Variants in SYTL2 observed in about 807,000 individuals in gnomAD.
SYTL2 encodes the protein synaptotagmin-like protein 2.
In SYTL2, 165 loss-of-function variants were observed where a neutral mutation model predicts 198.7. The observed-to-expected ratio is 0.83, with a 90% CI of 0.73 to 0.94. The LOEUF is 0.94. SYTL2 is among the 40% of genes least tolerant of loss of function. The pLI is 0.00. For missense variants in SYTL2, 2,835 were observed against 2,582.8 expected (o/e 1.10, Z -2.12); for synonymous variants, 966 against 917.7 (o/e 1.05, Z -0.95).
intron 15 of SYTL2, chr11:85,705,259 G>A (rs1202087136): frequency 4.7e-6 from 2 of 421,120 alleles, no homozygotes; most frequent in East Asian, 3.6e-5. Context: ...GCAAACCAAG[G>A]CTCAGATATC....
chr11:85,712,179 T>C (rs963312674), intron 12 of SYTL2, among the ~76,000 whole-genome samples: 1 of 152,178 alleles, frequency 6.6e-6, no homozygotes, highest in Non-Finnish European at 1.5e-5. Context: ...TGGATGCCAA[T>C]TGTAATGCAG....
chr11:85,852,035 T>C, the SYTL2 span, among the ~76,000 whole-genome samples: 1 of 152,220 alleles, frequency 6.6e-6, no homozygotes, highest in Non-Finnish European at 1.5e-5. Flanking sequence ...AAGTTATCTC[T>C]AACAATGATT....
intron 8 of SYTL2, 38 bp from the exon 9 acceptor site, chr11:85,720,997 C>CAAA: frequency 1.2e-5 from 11 of 918,948 alleles, no homozygotes; most frequent in East Asian, 5.6e-5. Context: ...TGCACAATAC[C>CAAA]AAAAAAAAAA....
chr11:85,803,209 AAAAT>A (rs2092915022), intron 1 of SYTL2, among the ~76,000 whole-genome samples: 1 of 152,248 alleles, frequency 6.6e-6, no homozygotes, highest in East Asian at 1.9e-4. Flanking sequence ...TAAAACTGTA[AAAAT>A]GTGTCATATC....
At chr11:85,715,314 T>C (rs1451233161) in intron 11 of SYTL2, among the ~76,000 whole-genome samples, 1 of 152,166 alleles carries the variant, frequency 6.6e-6, no homozygotes. Flanking sequence ...GCTTTTCTTA[T>C]GGTGAATCAC....
chr11:85,706,241 T>G (rs1158693519), intron 15 of SYTL2, among the ~76,000 whole-genome samples: 2 of 152,178 alleles, frequency 1.3e-5, no homozygotes, highest in Non-Finnish European at 2.9e-5. Context: ...CTAAGGTAGG[T>G]AGGTAAGTAC....
chr11:85,821,730 T>C, the SYTL2 span, among the ~76,000 whole-genome samples: 1 of 152,180 alleles, frequency 6.6e-6, no homozygotes, highest in Non-Finnish European at 1.5e-5. Flanking sequence ...TTAAAGGAAG[T>C]AGATTCAGTA....
chr11:85,736,242 A>G (rs2090327808), intron 6 of SYTL2, among the ~76,000 whole-genome samples: 1 of 152,230 alleles, frequency 6.6e-6, no homozygotes, highest in Non-Finnish European at 1.5e-5. Context: ...CTCCCAATTT[A>G]CTGATGAGGG....
At chr11:85,793,349 T>C (rs1017807411) in intron 1 of SYTL2, among the ~76,000 whole-genome samples, 3 of 152,240 alleles carry the variant, frequency 2.0e-5, no homozygotes, top group African/African-American at 7.2e-5. Context: ...TATCTCATTG[T>C]AGTTTTGATT....
At chr11:85,814,780 G>A (rs538846831), upstream of SYTL2, among the ~76,000 whole-genome samples, 9 of 152,302 alleles carry the variant, frequency 5.9e-5, no homozygotes, top group East Asian at 1.7e-3. Flanking sequence ...TAAGCTAGGT[G>A]TGGTTCCTTC....
chr11:85,726,107 T>A lies in SYTL2; in HGVS notation c.3251A>T (p.Asn1084Ile). Residue 1084 changes from asparagine to isoleucine, a missense_variant, in exon 8 of 20, where the codon AAT becomes ATT. This residue lies in a region of SYTL2 where 2,645 missense variants were observed against 2,381.7 expected (regional missense o/e 1.11). Coordinates refer to ENST00000359152, the MANE Select transcript of SYTL2 (RefSeq NM_206927.4). The part of the protein sequence containing the change: ...LRKYTYQLPG[N>I]ESSKENVEKN... ...TTCCACATTTTCCTTTGATGACTCA[T>A]TTCCTGGCAACTGATAAGTATACTT... 1 of 1,614,012 alleles carries A rather than the reference T, an allele frequency of 6.2e-7. No individual in the cohort carries two copies.
rs1442982363 is a variant in SYTL2, at chr11:85,698,070, G to A, written c.6277C>T (p.Leu2093Phe). The A allele has an allele frequency of 2.5e-6, 4 of 1,611,224 alleles. No individual in the cohort carries two copies. Among genetic ancestry groups the A allele is most frequent in the Admixed American group, 3.3e-5 (2 of 59,946 alleles). Residue 2093 changes from leucine (L) to phenylalanine (F), a missense_variant, in exon 18 of 20, where the codon CTT (leucine) becomes TTT (phenylalanine). Transcript: ENST00000359152. ...YVPEPVPGKK[L>F]PTTGEVHIWV... ...ATGTGCACTTCTCCAGTTGTAGGAA[G>A]CTTTTTACCTACAATAGAAAAAGAA...
intron 7 of SYTL2, among the ~76,000 whole-genome samples, chr11:85,729,592 T>C (rs2089593336): frequency 6.6e-6 from 1 of 152,172 alleles, no homozygotes; most frequent in South Asian, 2.1e-4. Context: ...GCTAAACCAG[T>C]GTTTAGAGGG....
At chr11:85,828,046 C>A in the SYTL2 span, among the ~76,000 whole-genome samples, 1 of 152,172 alleles carries the variant, frequency 6.6e-6, no homozygotes, top group South Asian at 2.1e-4. Flanking sequence ...TCACTACTAG[C>A]TAACTGTAGT....
At chr11:85,754,065 T>G (rs762244920) in intron 2 of SYTL2, among the ~76,000 whole-genome samples, 2 of 152,208 alleles carry the variant, frequency 1.3e-5, no homozygotes, top group Non-Finnish European at 2.9e-5. Flanking sequence ...ATTTTAGTAA[T>G]AAATTGGCCT....
chr11:85,803,992 C>T (rs1185547431), intron 1 of SYTL2, among the ~76,000 whole-genome samples: 2 of 152,180 alleles, frequency 1.3e-5, no homozygotes, highest in African/African-American at 4.8e-5. Flanking sequence ...AAGAAAGATA[C>T]TATTTTTGCT....
chr11:85,779,781 G>A (rs745955561), intron 1 of SYTL2, among the ~76,000 whole-genome samples: 3 of 152,148 alleles, frequency 2.0e-5, no homozygotes, highest in Non-Finnish European at 2.9e-5. Flanking sequence ...AGATCAATCA[G>A]TAAATACTTC....
intron 8 of SYTL2, among the ~76,000 whole-genome samples, chr11:85,723,500 T>C (rs1255332617): frequency 6.6e-6 from 1 of 152,234 alleles, no homozygotes; most frequent in African/African-American, 2.4e-5. Flanking sequence ...TGCTCCCGAA[T>C]GGGAAATTTG....
chr11:85,727,559 A>G lies in SYTL2; in HGVS notation c.1799T>C (p.Val600Ala). The part of the protein sequence containing the change: ...SPFQAEGDML[V>A]SESCQDNNVN... ...ATTATTATCTTGGCAACTTTCAGAA[A>G]CCAGCATATCTCCCTCTGCTTGGAA... The change falls in exon 8 of 20, where the codon GTT becomes GCT. Residue 600 changes from valine (V) to alanine (A), a missense_variant. Val to Ala is a moderately conservative substitution (Grantham distance 64). Transcript: ENST00000359152. The G allele has an allele frequency of 6.5e-7, 1 of 1,536,066 alleles. No homozygotes were observed. The highest frequency in any genetic ancestry group is 8.7e-7 in the Non-Finnish European group (1 of 1,146,884).
Sources: gnomAD v4.1 joint callset for allele counts (sites outside exome capture counted in the v4.1 genomes callset) on GRCh38, gnomAD v4.1.1 for gene constraint, gnomAD v4.1.1 regional missense constraint, MANE v1.5 for transcripts, NCBI Gene and HGNC (gene_info 2026-07-23, HGNC 2026-07-21) for gene names.